Variants in APLF observed in about 807,000 individuals in gnomAD.
The protein encoded by APLF is aprataxin and PNK-like factor.
Under a neutral mutation model 55.6 loss-of-function variants are expected in APLF, and 61 were observed. The ratio of observed to expected loss-of-function variants is 1.10; its 90% CI spans 0.89 to 1.36. The LOEUF (loss-of-function observed/expected upper bound fraction) is 1.36, where lower values mean the gene tolerates loss of function less well. Ranked by LOEUF, APLF falls within the 40% of genes most tolerant of loss-of-function variation. The pLI is 0.00. For missense variants in APLF, 611 were observed against 602.5 expected (o/e 1.01, Z -0.15); for synonymous variants, 207 against 214.8 (o/e 0.96, Z 0.32).
chr2:68,537,425 T>C (rs1452917588), intron 6 of APLF, among the ~76,000 whole-genome samples: 1 of 151,852 alleles, frequency 6.6e-6, no homozygotes, highest in African/African-American at 2.4e-5. Flanking sequence ...TGGAGTGCAA[T>C]GGTGCAATCT....
At chr2:68,482,067 A>T (rs1286175073) in intron 1 of APLF, among the ~76,000 whole-genome samples, 1 of 147,796 alleles carries the variant, frequency 6.8e-6, no homozygotes. Context: ...GTTATTTTGA[A>T]TTCTTTTTCT....
chr2:68,518,914 A>T (rs1669782462), intron 5 of APLF, among the ~76,000 whole-genome samples: 1 of 125,136 alleles, frequency 8.0e-6, no homozygotes, highest in South Asian at 2.2e-4. Context: ...ATAATAAAAT[A>T]ATAATATATC....
rs1183390627 is a variant in APLF at position 68,557,909 on chromosome 2, TG to T, written c.1287-9431del. Among the ~76,000 whole-genome samples the T allele has an allele frequency of 2.8e-5, 4 of 145,156 alleles. 1 individual carries two copies. Among genetic ancestry groups the T allele is most frequent in the Admixed American group, 1.4e-4 (2 of 14,578 alleles). On this transcript the variant is annotated intron_variant, in intron 8 of 9. Coordinates refer to ENST00000303795, the MANE Select transcript of APLF (RefSeq NM_173545.3). Reference sequence around the variant, plus strand: ...CTGGGCGATAGAATGAGACTCCATCTGAAAAAAAAAAAAAATAGTCAAAGTT... The same window carrying T: ...CTGGGCGATAGAATGAGACTCCATCTAAAAAAAAAAAAAATAGTCAAAGTT...
intron 8 of APLF, among the ~76,000 whole-genome samples, chr2:68,558,926 G>A (rs1352420827): frequency 6.6e-6 from 1 of 152,018 alleles, no homozygotes; most frequent in East Asian, 1.9e-4. Context: ...AGTTCTTCAG[G>A]TTCATTTACA....
intron 8 of APLF, among the ~76,000 whole-genome samples, chr2:68,558,598 C>T (rs185656980): frequency 9.2e-5 from 14 of 152,254 alleles, no homozygotes; most frequent in African/African-American, 3.4e-4. Flanking sequence ...AGTCACTGAT[C>T]TAGGAGCTTA....
chr2:68,509,911 C>G (rs1170000581), intron 3 of APLF, among the ~76,000 whole-genome samples: 2 of 151,950 alleles, frequency 1.3e-5, no homozygotes, highest in South Asian at 4.2e-4. Flanking sequence ...AGTTCATGTC[C>G]TTTGTAGGGA....
chr2:68,500,145 G>A (rs147583942), intron 2 of APLF, among the ~76,000 whole-genome samples: 3 of 152,208 alleles, frequency 2.0e-5, no homozygotes, highest in Admixed American at 6.5e-5. Context: ...TGTACGTATA[G>A]CATTTTAGTT....
At chr2:68,559,191 T>A (rs1445788528) in intron 8 of APLF, among the ~76,000 whole-genome samples, 1 of 152,146 alleles carries the variant, frequency 6.6e-6, no homozygotes, top group Non-Finnish European at 1.5e-5. Flanking sequence ...TTGCTTGTGC[T>A]CTGGGGGGTC....
At chr2:68,577,752 A>G in intron 9 of APLF, 68 bp from the exon 10 acceptor site, 2 of 1,552,108 alleles carry the variant, frequency 1.3e-6, no homozygotes, top group Non-Finnish European at 1.8e-6. Context: ...GACATTTTAT[A>G]GGTAGATGTC....
At chr2:68,503,274 A>G (rs1301131781) in intron 3 of APLF, among the ~76,000 whole-genome samples, 1 of 152,104 alleles carries the variant, frequency 6.6e-6, no homozygotes, top group Non-Finnish European at 1.5e-5. Context: ...TTATTAAGGT[A>G]TTAACTTCTG....
intron 6 of APLF, among the ~76,000 whole-genome samples, chr2:68,531,960 C>T (rs1174734044): frequency 6.6e-6 from 1 of 152,152 alleles, no homozygotes; most frequent in Admixed American, 6.5e-5. Context: ...TTTTCCTTCC[C>T]TTCCTTGTGA....
chr2:68,479,606 C>T (rs929597348), intron 1 of APLF, among the ~76,000 whole-genome samples: 8 of 152,138 alleles, frequency 5.3e-5, no homozygotes, highest in African/African-American at 1.9e-4. Flanking sequence ...AGAAGGGTTA[C>T]GTTTATTCAA....
intron 8 of APLF, among the ~76,000 whole-genome samples, chr2:68,551,603 C>CTTCTTT (rs71395976): frequency 2.9e-4 from 34 of 115,742 alleles, no homozygotes; most frequent in Middle Eastern, 5.0e-3. Context: ...TCTTCTTCTT[C>CTTCTTT]TTTTTTTTTT....
chr2:68,477,856 G>A (rs1675826585), intron 1 of APLF, among the ~76,000 whole-genome samples: 2 of 152,108 alleles, frequency 1.3e-5, no homozygotes, highest in African/African-American at 4.8e-5. Flanking sequence ...GATCTCGTGA[G>A]ACTTATTTAC....
At chr2:68,503,163 C>T (rs1396107073) in intron 3 of APLF, among the ~76,000 whole-genome samples, 1 of 152,070 alleles carries the variant, frequency 6.6e-6, no homozygotes, top group Non-Finnish European at 1.5e-5. Context: ...CAGGTGGTGT[C>T]TTTTACCATT....
chr2:68,518,611 T>C (rs867956074), intron 5 of APLF, among the ~76,000 whole-genome samples: 2,365 of 112,984 alleles, frequency 0.021, 34 homozygotes, highest in Middle Eastern at 0.068. Flanking sequence ...AATATATCAT[T>C]AATATATCAT....
intron 1 of APLF, among the ~76,000 whole-genome samples, chr2:68,489,044 A>T (rs901884095): frequency 4.6e-5 from 7 of 151,700 alleles, no homozygotes; most frequent in Admixed American, 3.3e-4. Flanking sequence ...TTTCTGAAAC[A>T]ATAGATTATT....
At chr2:68,479,671 A>G (rs2103885307) in intron 1 of APLF, among the ~76,000 whole-genome samples, 1 of 152,328 alleles carries the variant, frequency 6.6e-6, no homozygotes, top group East Asian at 1.9e-4. Context: ...CTGAAACTAA[A>G]CAAATGGTGG....
chr2:68,510,137 C>T (rs1191901381), intron 3 of APLF, among the ~76,000 whole-genome samples: 1 of 151,478 alleles, frequency 6.6e-6, no homozygotes, highest in Non-Finnish European at 1.5e-5. Context: ...TTAATGGGTG[C>T]AGCACACCAA....
Sources: allele counts gnomAD v4.1 joint callset (sites outside exome capture counted in the v4.1 genomes callset), GRCh38; gene constraint gnomAD v4.1.1; transcripts MANE v1.5; gene names NCBI Gene and HGNC (gene_info 2026-07-23, HGNC 2026-07-21).